PGBD5: variants seen among roughly 807,000 people sequenced by gnomAD.
PGBD5 encodes piggyBac transposable element-derived protein 5.
A neutral mutation model predicts 47.9 loss-of-function variants in PGBD5; 14 were observed. That is an observed-to-expected ratio of 0.29 (90% CI 0.19 to 0.46). The LOEUF is 0.46. PGBD5 is among the 20% of genes least tolerant of loss of function. The pLI, the probability that PGBD5 is intolerant of heterozygous loss-of-function variation, is 1.00. For missense variants in PGBD5, 635 were observed against 716.0 expected (o/e 0.89, Z 1.29); for synonymous variants, 316 against 306.3 (o/e 1.03, Z -0.33).
rs1044312409 is a variant in PGBD5 at position 230,418,442 on chromosome 1, G to A, written c.331+7156C>T. Among the ~76,000 whole-genome samples, 5 of 152,234 alleles carry A rather than the reference G, an allele frequency of 3.3e-5. No individual in the cohort carries two copies. In the East Asian group the frequency reaches 9.6e-4, roughly 29 times the overall value. On this transcript the variant is annotated intron_variant, in intron 1 of 6. Transcript: ENST00000391860. Reference sequence around the variant, plus strand: ...AACTCAGAATAATGGCTACCTCTGGGGACAGGGAGGTACTGATGGGAAAGG... The same window carrying A: ...AACTCAGAATAATGGCTACCTCTGGAGACAGGGAGGTACTGATGGGAAAGG...
intron 1 of PGBD5, among the ~76,000 whole-genome samples, chr1:230,359,047 G>C (rs1327414056): frequency 1.3e-5 from 2 of 151,876 alleles, no homozygotes; most frequent in Non-Finnish European, 2.9e-5. Flanking sequence ...TGCTTCTATT[G>C]CATCTGTATA....
chr1:230,403,628 G>T (rs1309954796), intron 1 of PGBD5, among the ~76,000 whole-genome samples: 2 of 152,224 alleles, frequency 1.3e-5, no homozygotes, highest in African/African-American at 2.4e-5. Flanking sequence ...GGATTCCCAG[G>T]CTCCAGGGGC....
chr1:230,382,209 G>T (rs896039630), intron 1 of PGBD5, among the ~76,000 whole-genome samples: 1 of 152,170 alleles, frequency 6.6e-6, no homozygotes, highest in African/African-American at 2.4e-5. Context: ...TGAGTGTCTC[G>T]CTGCAGAATC....
chr1:230,375,299 C>T (rs1417136960), intron 1 of PGBD5, among the ~76,000 whole-genome samples: 1 of 152,158 alleles, frequency 6.6e-6, no homozygotes, highest in African/African-American at 2.4e-5. Context: ...CAGGGTATGG[C>T]CTGTCAAGTC....
chr1:230,409,891 G>C lies in PGBD5; in HGVS notation c.331+15707C>G, dbSNP rs143060863. 7.3e-3 allele frequency among the ~76,000 whole-genome samples: 1,113 copies of C among 151,552 alleles called. 15 individuals are homozygous for C. The highest frequency in any genetic ancestry group is 0.026 in the African/African-American group (1,059 of 41,352). ...CAAAATATCAAAAATGGGGAAATGA[G>C]AAAAAAAGCTGAATCAATAAAATAA... On this transcript the variant is annotated intron_variant, in intron 1 of 6. Transcript: ENST00000391860.
At chr1:230,358,545 T>A (rs1022808044) in intron 1 of PGBD5, among the ~76,000 whole-genome samples, 3 of 152,106 alleles carry the variant, frequency 2.0e-5, no homozygotes, top group African/African-American at 7.2e-5. Flanking sequence ...AACCTCACAA[T>A]TTTTGACTAA....
chr1:230,343,013 C>T (rs1667429858), intron 3 of PGBD5, among the ~76,000 whole-genome samples: 1 of 152,210 alleles, frequency 6.6e-6, no homozygotes, highest in African/African-American at 2.4e-5. Flanking sequence ...CTGGACAATG[C>T]TGCTTGTGTC....
chr1:230,357,563 C>T lies in PGBD5; in HGVS notation c.332-242G>A, dbSNP rs929926261. ...AGCTCTCCTGCTGTGTGTGTGGGAG[C>T]GCAGCTCCTCCCAGACACCACAGGA... On this transcript the variant is annotated intron_variant, in intron 1 of 6. Coordinates refer to ENST00000391860, the MANE Select transcript of PGBD5 (RefSeq NM_001258311.2). This position sits in a 1 kb window ranked among gnomAD's most constrained non-coding sequence, Gnocchi z 5.7. Among the ~76,000 whole-genome samples, 1 of 152,182 alleles carries T rather than the reference C, an allele frequency of 6.6e-6. No homozygotes were observed. The highest frequency in any genetic ancestry group is 2.1e-4 in the South Asian group (1 of 4,830).
chr1:230,385,033 C>G (rs1178369542), intron 1 of PGBD5, among the ~76,000 whole-genome samples: 1 of 152,178 alleles, frequency 6.6e-6, no homozygotes, highest in South Asian at 2.1e-4. Flanking sequence ...AAATTGCTGC[C>G]TTTCATTTTG....
chr1:230,381,626 A>C (rs889008339), intron 1 of PGBD5, among the ~76,000 whole-genome samples: 1 of 152,184 alleles, frequency 6.6e-6, no homozygotes, highest in African/African-American at 2.4e-5. Flanking sequence ...CTTCTGTCCT[A>C]TCAGTGTCCC....
Position 230,356,939 on chromosome 1 carries a change from G to T in PGBD5, c.714C>A (p.Ser238=). 3 of 1,614,184 alleles carry T rather than the reference G, an allele frequency of 1.9e-6. No individual in the cohort carries two copies. The highest frequency in any genetic ancestry group is 2.5e-6 in the Non-Finnish European group (3 of 1,180,034). ...AGGCAGAGTCGAAGCTGTTCTGCAG[G>T]GAGTCGAGGAAGGGCTGGACCTTGT... ...GLYKVQPFLD[S]LQNSFDSAFR... Residue 238 remains serine, a synonymous_variant, in exon 2 of 7, where the codon TCC becomes TCA. Coordinates refer to ENST00000391860, the MANE Select transcript of PGBD5 (RefSeq NM_001258311.2).
intron 1 of PGBD5, among the ~76,000 whole-genome samples, chr1:230,404,696 C>T (rs958218662): frequency 6.7e-5 from 10 of 149,242 alleles, no homozygotes; most frequent in Non-Finnish European, 1.2e-4. Context: ...CTTTAGGAGG[C>T]TGACGTTTGG....
In PGBD5 at chr1:230,396,260, C is replaced by CTCACAT. The variant is rs1558210805; in HGVS notation, c.331+29337_331+29338insATGTGA. Among the ~76,000 whole-genome samples, 4 of 9,810 alleles carry CTCACAT rather than the reference C, an allele frequency of 4.1e-4. 1 individual carries two copies. The highest frequency in any genetic ancestry group is 7.6e-4 in the Non-Finnish European group (4 of 5,276). 6.4% of individuals were successfully genotyped at this position (9,810 alleles called of 152,430 possible). On this transcript the variant is annotated intron_variant, in intron 1 of 6. Coordinates refer to ENST00000391860, the MANE Select transcript of PGBD5 (RefSeq NM_001258311.2). ...CACACTCCTCCCTTTTACCCCCACA[C>CTCACAT]TCCTCCTTTTTACCCCCACACTCTT...
intron 1 of PGBD5, among the ~76,000 whole-genome samples, chr1:230,407,313 T>C (rs567561672): frequency 1.3e-5 from 2 of 152,358 alleles, no homozygotes; most frequent in South Asian, 2.1e-4. Flanking sequence ...AAAATGATTA[T>C]CATGAACAAA....
chr1:230,406,451 C>A (rs1657299350), intron 1 of PGBD5, among the ~76,000 whole-genome samples: 1 of 151,534 alleles, frequency 6.6e-6, no homozygotes, highest in Admixed American at 6.6e-5. Context: ...AAATTAAGAG[C>A]CTTGAAGTAT....
intron 5 of PGBD5, among the ~76,000 whole-genome samples, chr1:230,326,718 C>G (rs567600082): frequency 6.6e-6 from 1 of 152,280 alleles, no homozygotes; most frequent in African/African-American, 2.4e-5. Flanking sequence ...TTATGTGATC[C>G]TCTACCTGGG....
At chr1:230,405,107 A>G (rs1262042986) in intron 1 of PGBD5, among the ~76,000 whole-genome samples, 2 of 151,492 alleles carry the variant, frequency 1.3e-5, no homozygotes, top group African/African-American at 4.8e-5. Flanking sequence ...AGGCGGGAGA[A>G]TGGCGTGAAC....
chr1:230,385,844 C>CT (rs1410210170), intron 1 of PGBD5, among the ~76,000 whole-genome samples: 2 of 152,120 alleles, frequency 1.3e-5, no homozygotes, highest in Non-Finnish European at 1.5e-5. Flanking sequence ...CCTGGCTACT[C>CT]TAAGAGTGTT....
At chr1:230,415,274 A>T (rs1405875599) in intron 1 of PGBD5, among the ~76,000 whole-genome samples, 2 of 49,366 alleles carry the variant, frequency 4.1e-5, no homozygotes, top group Admixed American at 6.8e-4. Flanking sequence ...GACTCTGTCT[A>T]AAAAAAAAAA....
Sources: gnomAD v4.1 joint callset for allele counts (sites outside exome capture counted in the v4.1 genomes callset) on GRCh38, gnomAD v4.1.1 for gene constraint, Gnocchi (gnomAD v3.1) non-coding constraint, MANE v1.5 for transcripts, NCBI Gene and HGNC (gene_info 2026-07-23, HGNC 2026-07-21) for gene names.